The following PTPRD variants were observed in gnomAD, a reference collection of about 807,000 sequenced individuals.
The protein encoded by PTPRD is protein tyrosine phosphatase receptor type D.
Under a neutral mutation model 214.5 loss-of-function variants are expected in PTPRD, and 34 were observed. The observed-to-expected ratio is 0.16, with a 90% CI of 0.12 to 0.21. PTPRD has a LOEUF of 0.21. Among genes scored for constraint, PTPRD ranks in the 10% least tolerant of loss-of-function variants. PTPRD has a pLI of 1.00. For missense variants in PTPRD, 2,545 were observed against 2,398.7 expected (o/e 1.06, Z -1.27); for synonymous variants, 1,128 against 845.7 (o/e 1.33, Z -5.79).
intron 2 of PTPRD, among the ~76,000 whole-genome samples, chr9:10,508,829 G>A (rs1488681870): frequency 6.6e-6 from 1 of 151,970 alleles, no homozygotes; most frequent in Non-Finnish European, 1.5e-5. Context: ...AGCATTAGGA[G>A]ATATACCTAA....
At chr9:9,677,293 G>C (rs201843598) in intron 7 of PTPRD, among the ~76,000 whole-genome samples, 5 of 151,822 alleles carry the variant, frequency 3.3e-5, no homozygotes, top group African/African-American at 1.2e-4. Flanking sequence ...TCCATCTTGA[G>C]TTAATTTTTG....
intron 12 of PTPRD, among the ~76,000 whole-genome samples, chr9:8,695,301 G>C (rs1209740966): frequency 6.6e-6 from 1 of 152,100 alleles, no homozygotes; most frequent in African/African-American, 2.4e-5. Flanking sequence ...GAATCACATG[G>C]CCATGTTTAA....
At chr9:9,831,318 C>G (rs536658458) in intron 5 of PTPRD, among the ~76,000 whole-genome samples, 3 of 152,044 alleles carry the variant, frequency 2.0e-5, no homozygotes, top group South Asian at 4.1e-4. Flanking sequence ...TAGCCTCAGG[C>G]TGAGGTAACC....
At chr9:9,680,940 G>T (rs972102066) in intron 7 of PTPRD, among the ~76,000 whole-genome samples, 66 of 151,772 alleles carry the variant, frequency 4.3e-4, no homozygotes, top group African/African-American at 1.5e-3. Flanking sequence ...AGGCCCACAA[G>T]AATCAATCTT....
chr9:9,533,977 AAAAATATGTT>A, intron 8 of PTPRD, among the ~76,000 whole-genome samples: 2 of 152,112 alleles, frequency 1.3e-5, no homozygotes, highest in Middle Eastern at 6.8e-3. Flanking sequence ...AGCTCATTTA[AAAAATATGTT>A]AAAATTGCTA....
rs186569044 is a variant in PTPRD, at chr9:9,736,819, G to T, written c.-325-2248C>A. ...TTATCGATTCACAGAAGTGCTTTAT[G>T]TATTCTAGATGCGAGTCCTTTGTTG... is the stretch of plus-strand genomic sequence containing the variant. On this transcript the variant is annotated intron_variant, in intron 6 of 45. Coordinates refer to ENST00000381196, the MANE Select transcript of PTPRD (RefSeq NM_002839.4). Among the ~76,000 whole-genome samples, 892 of 151,952 alleles carry T rather than the reference G, an allele frequency of 5.9e-3. 3 individuals are homozygous for T. The highest frequency in any genetic ancestry group is 0.017 in the Middle Eastern group (5 of 292).
At chr9:9,326,538 A>T (rs571214950) in intron 9 of PTPRD, among the ~76,000 whole-genome samples, 1 of 152,210 alleles carries the variant, frequency 6.6e-6, no homozygotes, top group East Asian at 1.9e-4. Flanking sequence ...TAGAAAACAA[A>T]TATTCGAACC....
At chr9:9,781,040 G>A (rs556226306) in intron 5 of PTPRD, among the ~76,000 whole-genome samples, 3 of 152,254 alleles carry the variant, frequency 2.0e-5, no homozygotes, top group Admixed American at 1.3e-4. Flanking sequence ...GGTGGAGACC[G>A]AGGAACAAAT....
At chr9:10,384,564 G>C (rs1586833111) in intron 2 of PTPRD, among the ~76,000 whole-genome samples, 1 of 151,642 alleles carries the variant, frequency 6.6e-6, no homozygotes, top group African/African-American at 2.4e-5. Context: ...AGGTAGGAAT[G>C]ATAGCCCCAA....
intron 7 of PTPRD, among the ~76,000 whole-genome samples, chr9:9,727,224 G>A (rs1329453937): frequency 6.6e-6 from 1 of 152,066 alleles, no homozygotes; most frequent in African/African-American, 2.4e-5. Context: ...GGGTGGCTGA[G>A]GCAGGTGAAT....
chr9:9,697,463 CAG>C (rs149100836), intron 7 of PTPRD, among the ~76,000 whole-genome samples: 137 of 152,072 alleles, frequency 9.0e-4, no homozygotes, highest in African/African-American at 2.9e-3. Context: ...ATTTTTGTTT[CAG>C]AGTTTTCATT....
intron 11 of PTPRD, among the ~76,000 whole-genome samples, chr9:8,929,785 G>GTATATATATGTGTATA (rs1207684966): frequency 1.3e-5 from 1 of 77,292 alleles, no homozygotes; most frequent in African/African-American, 6.1e-5. Flanking sequence ...ATATGGGTGT[G>GTATATATATGTGTATA]TATATATGTG....
chr9:9,197,679 G>A (rs901684511), intron 9 of PTPRD, among the ~76,000 whole-genome samples: 3 of 152,072 alleles, frequency 2.0e-5, no homozygotes, highest in Non-Finnish European at 4.4e-5. Flanking sequence ...CCAAAGTGCT[G>A]GGATTACAGG....
chr9:8,405,479 A>G (rs1267909000), intron 35 of PTPRD, among the ~76,000 whole-genome samples: 1 of 152,148 alleles, frequency 6.6e-6, no homozygotes, highest in Non-Finnish European at 1.5e-5. Flanking sequence ...AAACAGGTAT[A>G]TAAAGTATGT....
At chr9:10,344,076 T>C (rs1237111092) in intron 2 of PTPRD, among the ~76,000 whole-genome samples, 1 of 150,640 alleles carries the variant, frequency 6.6e-6, no homozygotes, top group Non-Finnish European at 1.5e-5. Context: ...CCATTGCTTT[T>C]GGTGTTTTAG....
intron 3 of PTPRD, among the ~76,000 whole-genome samples, chr9:10,206,328 A>G (rs970072163): frequency 1.9e-4 from 29 of 152,300 alleles, no homozygotes; most frequent in Middle Eastern, 3.4e-3. Flanking sequence ...TCTCATACCA[A>G]AGAATCTCTG....
intron 2 of PTPRD, among the ~76,000 whole-genome samples, chr9:10,446,646 G>T (rs1210592689): frequency 6.6e-6 from 1 of 152,040 alleles, no homozygotes; most frequent in Admixed American, 6.6e-5. Flanking sequence ...AAGTTGTTTA[G>T]ATATTTTGTG....
At chr9:9,987,126 A>G (rs2095742160) in intron 4 of PTPRD, among the ~76,000 whole-genome samples, 1 of 152,132 alleles carries the variant, frequency 6.6e-6, no homozygotes, top group South Asian at 2.1e-4. Context: ...CTGTAACTCA[A>G]TAGAATTATG....
chr9:9,411,337 AT>A (rs1464737812), intron 8 of PTPRD, among the ~76,000 whole-genome samples: 1 of 148,572 alleles, frequency 6.7e-6, no homozygotes, highest in Non-Finnish European at 1.5e-5. Flanking sequence ...GCCTTCTAAG[AT>A]TACCACCCAA....
Sources: gnomAD v4.1 joint callset for allele counts (sites outside exome capture counted in the v4.1 genomes callset) on GRCh38, gnomAD v4.1.1 for gene constraint, MANE v1.5 for transcripts, NCBI Gene and HGNC (gene_info 2026-07-23, HGNC 2026-07-21) for gene names.